Variants in PER3 observed in about 807,000 individuals in gnomAD.
The protein encoded by PER3 is period circadian protein homolog 3.
Under a neutral mutation model 127.2 loss-of-function variants are expected in PER3, and 107 were observed. The ratio of observed to expected loss-of-function variants is 0.84; its 90% CI spans 0.72 to 0.99. PER3 has a LOEUF of 0.99. PER3 is among the 50% of genes least tolerant of loss of function. PER3 has a pLI of 0.00. For missense variants in PER3, 1,560 were observed against 1,525.8 expected (o/e 1.02, Z -0.37); for synonymous variants, 618 against 585.8 (o/e 1.05, Z -0.79).
intron 13 of PER3, among the ~76,000 whole-genome samples, chr1:7,812,054 T>C (rs1485066088): frequency 6.6e-6 from 1 of 152,168 alleles, no homozygotes; most frequent in East Asian, 1.9e-4. Flanking sequence ...GAGAATTCTT[T>C]TAGGAGGTTT....
intron 14 of PER3, among the ~76,000 whole-genome samples, chr1:7,819,779 A>AT (rs1277667138): frequency 7.1e-6 from 1 of 140,832 alleles, no homozygotes; most frequent in Non-Finnish European, 1.5e-5. Flanking sequence ...ACGTTATGAG[A>AT]TTTTTTTGTG....
intron 6 of PER3, among the ~76,000 whole-genome samples, chr1:7,797,686 A>G (rs889075855): frequency 2.0e-5 from 3 of 152,004 alleles, no homozygotes; most frequent in Admixed American, 6.6e-5. Context: ...GGAACAGACT[A>G]GAGAATCTCT....
In PER3 at chr1:7,788,191, C is replaced by G. The variant is rs1375364895; in HGVS notation, c.537C>G (p.Phe179Leu). 1.2e-6 allele frequency: 2 copies of G among 1,614,020 alleles called. No homozygotes were observed. Among genetic ancestry groups the G allele is most frequent in the East Asian group, 2.2e-5 (1 of 44,872 alleles). Residue 179 changes from phenylalanine to leucine, a missense_variant, in exon 5 of 22, where the codon TTC becomes TTG. Phe to Leu is a conservative substitution (Grantham distance 22). Transcript: ENST00000377532. ...TTGCACCTCAAGACATGAGGGTATT[C>G]TACGCGCACACTGCCAGAGCTCAGC... is the stretch of plus-strand genomic sequence containing the variant. ...DLLAPQDMRV[F>L]YAHTARAQLP...
intron 14 of PER3, among the ~76,000 whole-genome samples, chr1:7,819,837 A>AT (rs1332581146): frequency 6.8e-6 from 1 of 148,098 alleles, no homozygotes; most frequent in Non-Finnish European, 1.5e-5. Flanking sequence ...GTATTAGTGT[A>AT]TTTTATGTGT....
chr1:7,802,963 T>G, intron 8 of PER3, 84 bp from the exon 9 acceptor site: 1 of 816,432 alleles, frequency 1.2e-6, no homozygotes, highest in Non-Finnish European at 2.2e-6. Flanking sequence ...GTCTCACATT[T>G]AGAATGAAAT....
chr1:7,825,142 T>C (rs1002963329), intron 16 of PER3, among the ~76,000 whole-genome samples: 1 of 151,978 alleles, frequency 6.6e-6, no homozygotes, highest in Non-Finnish European at 1.5e-5. Context: ...ACAGGCCACT[T>C]CTGGATGCAG....
In PER3 at chr1:7,826,559, C is replaced by T. The variant is rs778210843; in HGVS notation, c.2037C>T (p.His679=). ...CTTTGACCTCGGAAGAATTTAAACA[C>T]GTGGGGCTCACAGCGGCTGTTCTGT... is the stretch of plus-strand genomic sequence containing the variant. The part of the protein sequence containing the change: ...PAPLTSEEFK[H]VGLTAAVLSA... The change falls in exon 17 of 22, where the codon CAC becomes CAT. Residue 679 remains histidine (H), a synonymous_variant. Transcript: ENST00000377532. This position sits in a 1 kb window ranked among gnomAD's most constrained non-coding sequence, Gnocchi z 4.2. 52 of 1,613,688 alleles carry T rather than the reference C, an allele frequency of 3.2e-5. No individual in the cohort carries two copies. Among genetic ancestry groups the T allele is most frequent in the Non-Finnish European group, 4.3e-5 (51 of 1,179,610 alleles).
chr1:7,814,059 T>C (rs1461357104), intron 13 of PER3, among the ~76,000 whole-genome samples: 3 of 152,170 alleles, frequency 2.0e-5, no homozygotes, highest in Non-Finnish European at 4.4e-5. Context: ...GAGGAACGCA[T>C]TTGATAGCAC....
Position 7,809,754 on chromosome 1 carries a change from T to A in PER3, c.1243-139T>A, listed in dbSNP as rs534591177. The A allele has an allele frequency of 1.6e-4, 121 of 766,612 alleles. 2 individuals carry two copies. The South Asian group carries it at 1.7e-3, about 11-fold the overall frequency. The allele number at this position is 766,612 out of a possible 1,614,324, so 47.5% of individuals were successfully genotyped here. On this transcript the variant is annotated intron_variant, in intron 11 of 21. Transcript: ENST00000377532. ...GTGCCTTTCGTGTCAGCATCAGCATTAAAAGTACCAACCTGCACACACCTA... is the reference window on the plus strand; with the variant it reads ...GTGCCTTTCGTGTCAGCATCAGCATAAAAAGTACCAACCTGCACACACCTA...
intron 8 of PER3, among the ~76,000 whole-genome samples, chr1:7,802,204 A>T (rs1205491946): frequency 6.6e-6 from 1 of 152,124 alleles, no homozygotes; most frequent in Non-Finnish European, 1.5e-5. Context: ...TTATCCTGAA[A>T]CTATTTCTGT....
chr1:7,842,563 A>G (rs931956609), intron 21 of PER3, 109 bp from the exon 22 acceptor site: 16 of 1,173,184 alleles, frequency 1.4e-5, no homozygotes, highest in Non-Finnish European at 1.8e-5. Context: ...ATATTTTCAG[A>G]CATGAATAAG....
chr1:7,797,174 A>C (rs2150595792), intron 6 of PER3, among the ~76,000 whole-genome samples: 1 of 152,142 alleles, frequency 6.6e-6, no homozygotes, highest in East Asian at 1.9e-4. Flanking sequence ...GTGGATGTGG[A>C]GGGAAGCTGG....
intron 5 of PER3, 149 bp from the exon 6 acceptor site, chr1:7,793,808 C>A (rs548766107): frequency 1.4e-6 from 1 of 701,842 alleles, no homozygotes; most frequent in South Asian, 1.7e-5. Context: ...GTGACTGGAT[C>A]TCAAAATGAA....
In PER3 at chr1:7,796,319, C is replaced by CTTTTTTT. The variant is rs71567315; in HGVS notation, c.645-2195_645-2189dup. On this transcript the variant is annotated intron_variant, in intron 6 of 21. Coordinates refer to ENST00000377532, the MANE Select transcript of PER3 (RefSeq NM_001377275.1). ...GGTAGGAAACGTTCATTTCAGTTTCCTTTTTTTTTTTTTTTTTGAGACAGG... is the reference window on the plus strand; with the variant it reads ...GGTAGGAAACGTTCATTTCAGTTTCCTTTTTTTTTTTTTTTTTTTTTTTTGAGACAGG... Among the ~76,000 whole-genome samples, 529 of 109,798 alleles carry CTTTTTTT rather than the reference C, an allele frequency of 4.8e-3. 35 individuals carry two copies. Among genetic ancestry groups the CTTTTTTT allele is most frequent in the South Asian group, 7.8e-3 (23 of 2,950 alleles). The allele number at this position is 109,798 out of a possible 152,430, so 72.0% of individuals were successfully genotyped here.
Position 7,829,925 on chromosome 1 carries a change from ATCCTACT to A in PER3, c.2979_2985del (p.His993GlnfsTer12). 1.5e-6 allele frequency: 2 copies of A among 1,299,014 alleles called. No homozygotes were observed. Among genetic ancestry groups the A allele is most frequent in the Non-Finnish European group, 9.9e-7 (1 of 1,009,500 alleles). 80.5% of individuals were successfully genotyped at this position (1,299,014 alleles called of 1,614,324 possible). ...TCACCTCCCAGGGAGAATCCATCCC[ATCCTACT>A]GCCAGCGCTCTGTCCACAGGATCGC... On this transcript the variant is annotated frameshift_variant, in exon 19 of 22. Transcript: ENST00000377532. LOFTEE classifies it high-confidence loss of function.
intron 8 of PER3, among the ~76,000 whole-genome samples, chr1:7,801,522 A>G (rs2097170671): frequency 6.6e-6 from 1 of 152,216 alleles, no homozygotes; most frequent in Non-Finnish European, 1.5e-5. Context: ...AACTGGGACC[A>G]AGACTCTGGT....
At chr1:7,828,642 T>C (rs1176299973) in intron 18 of PER3, among the ~76,000 whole-genome samples, 1 of 152,160 alleles carries the variant, frequency 6.6e-6, no homozygotes, top group African/African-American at 2.4e-5. Context: ...TTACAGTGAG[T>C]AAAGCCTGGG....
intron 6 of PER3, among the ~76,000 whole-genome samples, chr1:7,795,433 C>T (rs1577671624): frequency 6.6e-6 from 1 of 152,148 alleles, no homozygotes; most frequent in South Asian, 2.1e-4. Context: ...GGGAGATTGC[C>T]GTTGTATTCA....
At chr1:7,806,633 TAAAAAC>T (rs2097193891) in intron 10 of PER3, among the ~76,000 whole-genome samples, 1 of 150,972 alleles carries the variant, frequency 6.6e-6, no homozygotes, top group Non-Finnish European at 1.5e-5. Context: ...ACAAAAAATT[TAAAAAC>T]AAAAATTAGT....
Sources: gnomAD v4.1 joint callset for allele counts (sites outside exome capture counted in the v4.1 genomes callset) on GRCh38, gnomAD v4.1.1 for gene constraint, Gnocchi (gnomAD v3.1) non-coding constraint, MANE v1.5 for transcripts, NCBI Gene and HGNC (gene_info 2026-07-23, HGNC 2026-07-21) for gene names.